Variants in TRAPPC9 observed in about 807,000 individuals in gnomAD.
TRAPPC9 encodes the protein IKK2 binding protein.
In TRAPPC9, 83 loss-of-function variants were observed where a neutral mutation model predicts 124.0. The ratio of observed to expected loss-of-function variants is 0.67; its 90% CI spans 0.56 to 0.80. TRAPPC9 has a LOEUF of 0.80. TRAPPC9 is among the 30% of genes least tolerant of loss of function. TRAPPC9 has a pLI of 0.00. For missense variants in TRAPPC9, 1,302 were observed against 1,508.3 expected, an observed-to-expected ratio of 0.86 and a Z score of 2.27; for synonymous variants, 638 against 617.5, an observed-to-expected ratio of 1.03 and a Z score of -0.49.
chr8:139,795,598 G>A (rs1822998052), intron 21 of TRAPPC9, among the ~76,000 whole-genome samples: 1 of 152,162 alleles, frequency 6.6e-6, no homozygotes, highest in South Asian at 2.1e-4. Context: ...TCATCAGTAA[G>A]CGGACACTTT....
At chr8:139,981,303 C>A (rs1261866994) in intron 19 of TRAPPC9, among the ~76,000 whole-genome samples, 1 of 152,206 alleles carries the variant, frequency 6.6e-6, no homozygotes, top group East Asian at 1.9e-4. Flanking sequence ...CTCGGGTCTC[C>A]ATCTCCCCGC....
chr8:140,251,919 T>C (rs2064139497), intron 16 of TRAPPC9, among the ~76,000 whole-genome samples: 1 of 152,212 alleles, frequency 6.6e-6, no homozygotes, highest in Admixed American at 6.5e-5. Context: ...CTTGGTTGTT[T>C]AAGCTGTTCT....
At chr8:140,082,155 C>T (rs979962093) in intron 17 of TRAPPC9, 2 of 152,178 alleles carry the variant, frequency 1.3e-5, no homozygotes, top group Non-Finnish European at 2.9e-5. Context: ...ATGTGAGTTT[C>T]TCTCCAGCCC....
At chr8:139,948,923 A>G (rs1472807398) in intron 19 of TRAPPC9, among the ~76,000 whole-genome samples, 1 of 152,152 alleles carries the variant, frequency 6.6e-6, no homozygotes, top group Non-Finnish European at 1.5e-5. Flanking sequence ...CTGAAAATAC[A>G]AGAACTAGCT....
Position 140,080,889 on chromosome 8 carries a change from T to C in TRAPPC9, c.2557-56810A>G, listed in dbSNP as rs770636146. 2.0e-5 allele frequency among the ~76,000 whole-genome samples: 3 copies of C among 152,188 alleles called. No homozygotes were observed. The East Asian group carries it at 5.8e-4, about 29-fold the overall frequency. On this transcript the variant is annotated intron_variant, in intron 17 of 22. Coordinates refer to ENST00000438773, the MANE Select transcript of TRAPPC9 (RefSeq NM_001160372.4). ...AGGCACAGAACCAGAAAGCTTCTGT[T>C]GAATGCTTCAGAGCACAAAGGGTTT... is the stretch of plus-strand genomic sequence containing the variant.
At chr8:140,398,513 G>C (rs952123138) in intron 6 of TRAPPC9, among the ~76,000 whole-genome samples, 1 of 152,224 alleles carries the variant, frequency 6.6e-6, no homozygotes, top group African/African-American at 2.4e-5. Flanking sequence ...CTCAGTTCTT[G>C]TTGGGAACTG....
chr8:140,346,433 G>C (rs572373275), intron 9 of TRAPPC9, among the ~76,000 whole-genome samples: 2 of 152,168 alleles, frequency 1.3e-5, no homozygotes, highest in African/African-American at 2.4e-5. Flanking sequence ...CTTATTATCC[G>C]AACAGTACTC....
rs917020560 is a variant in TRAPPC9 at position 140,433,602 on chromosome 8, C to A, written c.859+1510G>T. Among the ~76,000 whole-genome samples, 4 of 151,950 alleles carry A rather than the reference C, an allele frequency of 2.6e-5. No homozygotes were observed. The South Asian group carries it at 6.2e-4, about 24-fold the overall frequency. On this transcript the variant is annotated intron_variant, in intron 4 of 22. Coordinates refer to ENST00000438773, the MANE Select transcript of TRAPPC9 (RefSeq NM_001160372.4). ...GAGACTCTGTCTCAAAAAACAACAA[C>A]AACAACAACAAAAACACACATAATC... is the stretch of plus-strand genomic sequence containing the variant.
rs1296111069 is a variant in TRAPPC9, at chr8:140,453,225, C to A, written c.-10-1842G>T. ...TCCTGAGGGGATTTGGCCATGGTCCCCATGGCCAGAGGCAGCTGTACCATG... is the reference window on the plus strand; with the variant it reads ...TCCTGAGGGGATTTGGCCATGGTCCACATGGCCAGAGGCAGCTGTACCATG... On this transcript the variant is annotated intron_variant, in intron 1 of 22. Transcript: ENST00000438773. Among the ~76,000 whole-genome samples, 3 of 152,138 alleles carry A rather than the reference C, an allele frequency of 2.0e-5. No homozygotes were observed. The East Asian group carries it at 5.8e-4, about 29-fold the overall frequency.
At chr8:139,967,125 G>A (rs922805039) in intron 19 of TRAPPC9, among the ~76,000 whole-genome samples, 1 of 152,146 alleles carries the variant, frequency 6.6e-6, no homozygotes. Flanking sequence ...CACCTTGTTG[G>A]GTTCTGGCTG....
chr8:139,991,056 T>C (rs1837610287), intron 18 of TRAPPC9, among the ~76,000 whole-genome samples: 1 of 152,214 alleles, frequency 6.6e-6, no homozygotes, highest in African/African-American at 2.4e-5. Context: ...AGAGGCCTCT[T>C]CACTCAGCTC....
At chr8:140,089,022 C>T (rs962991826) in intron 17 of TRAPPC9, among the ~76,000 whole-genome samples, 9 of 152,150 alleles carry the variant, frequency 5.9e-5, no homozygotes, top group African/African-American at 9.7e-5. Flanking sequence ...GACCCTTCTG[C>T]TGTGCTTGTA....
chr8:139,799,770 C>A (rs544738094), intron 21 of TRAPPC9, among the ~76,000 whole-genome samples: 1 of 152,366 alleles, frequency 6.6e-6, no homozygotes, highest in South Asian at 2.1e-4. Context: ...CGGGGCTGGG[C>A]AGCCTTGGGA....
intron 18 of TRAPPC9, among the ~76,000 whole-genome samples, chr8:139,994,400 G>A (rs956001710): frequency 1.3e-5 from 2 of 152,236 alleles, no homozygotes; most frequent in Non-Finnish European, 2.9e-5. Flanking sequence ...TTCCCCCAGA[G>A]GGGTCAGTTC....
chr8:140,431,703 G>C (rs919891545), intron 4 of TRAPPC9, among the ~76,000 whole-genome samples: 1 of 152,170 alleles, frequency 6.6e-6, no homozygotes, highest in Non-Finnish European at 1.5e-5. Flanking sequence ...CCTGCTCATA[G>C]ATGCAGAGCG....
chr8:139,821,768 T>C (rs747021840), intron 21 of TRAPPC9, among the ~76,000 whole-genome samples: 1 of 152,260 alleles, frequency 6.6e-6, no homozygotes, highest in Admixed American at 6.5e-5. Flanking sequence ...CAGCCACCAC[T>C]GCGCACGGGA....
intron 17 of TRAPPC9, among the ~76,000 whole-genome samples, chr8:140,180,934 T>A (rs1371257106): frequency 6.6e-6 from 1 of 152,210 alleles, no homozygotes; most frequent in Non-Finnish European, 1.5e-5. Context: ...CCCATTAAAC[T>A]TGAAAATTCA....
chr8:139,810,222 T>C (rs1319356629), intron 21 of TRAPPC9, among the ~76,000 whole-genome samples: 1 of 152,054 alleles, frequency 6.6e-6, no homozygotes, highest in Non-Finnish European at 1.5e-5. Flanking sequence ...GTAACTGACC[T>C]AACAGGGCAG....
intron 21 of TRAPPC9, among the ~76,000 whole-genome samples, chr8:139,739,317 C>T (rs2130045769): frequency 6.6e-6 from 1 of 152,332 alleles, no homozygotes; most frequent in South Asian, 2.1e-4. Flanking sequence ...GCTGGCCGCT[C>T]CCTCTCCTTT....
Sources: allele counts gnomAD v4.1 joint callset (sites outside exome capture counted in the v4.1 genomes callset), GRCh38; gene constraint gnomAD v4.1.1; transcripts MANE v1.5; gene names NCBI Gene and HGNC (gene_info 2026-07-23, HGNC 2026-07-21).